ZNF704: variants seen among roughly 807,000 people sequenced by gnomAD.
ZNF704 encodes glucocorticoid induced gene 1.
A neutral mutation model predicts 44.7 loss-of-function variants in ZNF704; 10 were observed. That is an observed-to-expected ratio of 0.22 (90% CI 0.14 to 0.38). The LOEUF (loss-of-function observed/expected upper bound fraction) is 0.38. Ranked by LOEUF, ZNF704 falls within the 10% of genes least tolerant of loss-of-function variation. The pLI, the probability that ZNF704 is intolerant of heterozygous loss-of-function variation, is 1.00. For missense variants in ZNF704, 390 were observed against 545.5 expected (o/e 0.71, Z 2.84); for synonymous variants, 211 against 207.6 (o/e 1.02, Z -0.14).
At position 80,765,835 on chromosome 8, in the gene ZNF704, T is replaced by C. The variant is rs140994463; in HGVS notation, c.221+55539A>G. Among the ~76,000 whole-genome samples the C allele has an allele frequency of 2.9e-3, 437 of 152,322 alleles. 1 individual carries two copies. The highest frequency in any genetic ancestry group is 4.8e-3 in the Non-Finnish European group (324 of 68,022). On this transcript the variant is annotated intron_variant, in intron 2 of 8. Coordinates refer to ENST00000327835, the MANE Select transcript of ZNF704 (RefSeq NM_001033723.3). ...AAGAATTATGATCAACACCGATCTC[T>C]TGGCTAGATTATAAAAATAATAGCT...
the ZNF704 span, among the ~76,000 whole-genome samples, chr8:80,880,505 T>C: frequency 6.6e-6 from 1 of 152,246 alleles, no homozygotes; most frequent in African/African-American, 2.4e-5. Flanking sequence ...GTTTTTGGTA[T>C]ATTTATTTTC....
chr8:80,782,399 A>G (rs1807542556), intron 2 of ZNF704, among the ~76,000 whole-genome samples: 1 of 152,222 alleles, frequency 6.6e-6, no homozygotes, highest in Non-Finnish European at 1.5e-5. Context: ...AGCAGTTCAG[A>G]GGATAAAAGG....
At chr8:80,880,609 C>T in the ZNF704 span, among the ~76,000 whole-genome samples, 1 of 152,050 alleles carries the variant, frequency 6.6e-6, no homozygotes, top group African/African-American at 2.4e-5. Context: ...TGGTATATAA[C>T]TTGTAGATGT....
At chr8:80,796,896 GAA>G (rs1462843059) in intron 2 of ZNF704, among the ~76,000 whole-genome samples, 1 of 135,586 alleles carries the variant, frequency 7.4e-6, no homozygotes, top group East Asian at 2.4e-4. Flanking sequence ...AATGGAAAGG[GAA>G]AGAGAAAGGG....
At chr8:80,694,647 T>A (rs564792031) in intron 2 of ZNF704, among the ~76,000 whole-genome samples, 3 of 152,178 alleles carry the variant, frequency 2.0e-5, no homozygotes, top group African/African-American at 7.2e-5. Flanking sequence ...AATTCTTAAA[T>A]TGGAGAAAAA....
At chr8:80,872,737 C>T (rs1209065149) in intron 1 of ZNF704, among the ~76,000 whole-genome samples, 1 of 152,174 alleles carries the variant, frequency 6.6e-6, no homozygotes, top group Non-Finnish European at 1.5e-5. Context: ...CCTGAAGATA[C>T]ACAAACGGAA....
rs531988188 is a variant in ZNF704, at chr8:80,848,698, ATGGTAG to A, written c.-22+25867_-22+25872del. 7.7e-4 allele frequency among the ~76,000 whole-genome samples: 117 copies of A among 152,118 alleles called. 1 individual carries two copies. Among genetic ancestry groups the A allele is most frequent in the African/African-American group, 2.7e-3 (112 of 41,508 alleles). ...CATCTTTACAAAAAATCAGCTAGGC[ATGGTAG>A]TGTGTGTCAGTAGTCCCAGCTACTC... On this transcript the variant is annotated intron_variant, in intron 1 of 8. Coordinates refer to ENST00000327835, the MANE Select transcript of ZNF704 (RefSeq NM_001033723.3).
intron 1 of ZNF704, among the ~76,000 whole-genome samples, chr8:80,854,988 C>T (rs1808934681): frequency 1.3e-5 from 2 of 152,092 alleles, no homozygotes; most frequent in African/African-American, 4.8e-5. Flanking sequence ...GGTATCCATG[C>T]CCTAAAGCAT....
chr8:80,844,512 T>G, intron 1 of ZNF704, among the ~76,000 whole-genome samples: 1 of 152,114 alleles, frequency 6.6e-6, no homozygotes, highest in African/African-American at 2.4e-5. Flanking sequence ...GAGATTAGGT[T>G]TCAACATATG....
chr8:80,842,524 G>A (rs2129969390), intron 1 of ZNF704, among the ~76,000 whole-genome samples: 1 of 152,224 alleles, frequency 6.6e-6, no homozygotes, highest in Admixed American at 6.5e-5. Flanking sequence ...GAGAGAACAG[G>A]GCTTTGCTTA....
At chr8:80,686,120 A>G (rs1331537292) in intron 4 of ZNF704, among the ~76,000 whole-genome samples, 1 of 152,206 alleles carries the variant, frequency 6.6e-6, no homozygotes, top group East Asian at 1.9e-4. Context: ...GAGTGAACAT[A>G]ACTGAAATGT....
intron 1 of ZNF704, among the ~76,000 whole-genome samples, chr8:80,852,703 C>G (rs1007449073): frequency 5.3e-5 from 8 of 152,132 alleles, no homozygotes; most frequent in Admixed American, 4.6e-4. Context: ...CTACTAATTC[C>G]CAAGTTTTCA....
intron 1 of ZNF704, among the ~76,000 whole-genome samples, chr8:80,831,822 G>A (rs1808476990): frequency 6.6e-6 from 1 of 152,218 alleles, no homozygotes; most frequent in Non-Finnish European, 1.5e-5. Context: ...CTGTAGGAGA[G>A]AGACCTAAGT....
At chr8:80,821,999 C>T (rs1037669187) in intron 1 of ZNF704, among the ~76,000 whole-genome samples, 17 of 152,150 alleles carry the variant, frequency 1.1e-4, no homozygotes, top group Admixed American at 3.9e-4. Flanking sequence ...TAGAAGAGAG[C>T]TAATGTATAA....
At chr8:80,790,766 G>C (rs962881326) in intron 2 of ZNF704, among the ~76,000 whole-genome samples, 2 of 152,072 alleles carry the variant, frequency 1.3e-5, no homozygotes, top group Non-Finnish European at 2.9e-5. Context: ...GAAGTTCTGA[G>C]GGCATGAAGC....
At position 80,874,570 on chromosome 8, in the gene ZNF704, C is replaced by T. The variant is rs1379644048; in HGVS notation, c.-22+1G>A. The T allele has an allele frequency of 6.6e-6, 1 of 151,832 alleles. No individual in the cohort carries two copies. Among genetic ancestry groups the T allele is most frequent in the African/African-American group, 2.4e-5 (1 of 41,344 alleles). 9.4% of individuals were successfully genotyped at this position (151,832 alleles called of 1,614,324 possible). ...CGGACTGGATTTTTTTTTTCTCTTA[C>T]CCACAGTCTCCGAAAGTCTGGCGCT... On this transcript the variant is annotated splice_donor_variant, in intron 1 of 8. Coordinates refer to ENST00000327835, the MANE Select transcript of ZNF704 (RefSeq NM_001033723.3). LOFTEE classifies it low-confidence loss of function (5UTR_SPLICE). This position sits in a 1 kb window ranked among gnomAD's most constrained non-coding sequence, Gnocchi z 4.4.
At chr8:80,654,316 C>A (rs1404653912) in intron 7 of ZNF704, among the ~76,000 whole-genome samples, 2 of 152,128 alleles carry the variant, frequency 1.3e-5, no homozygotes, top group African/African-American at 2.4e-5. Flanking sequence ...AAAGCAATGG[C>A]AACAAAAGCC....
chr8:80,864,502 T>C (rs1446076491), intron 1 of ZNF704, among the ~76,000 whole-genome samples: 1 of 152,168 alleles, frequency 6.6e-6, no homozygotes, highest in South Asian at 2.1e-4. Flanking sequence ...CAATTTCCTC[T>C]TTGTTTGAAA....
At chr8:80,797,855 C>T (rs1362611152) in intron 2 of ZNF704, among the ~76,000 whole-genome samples, 1 of 152,228 alleles carries the variant, frequency 6.6e-6, no homozygotes, top group African/African-American at 2.4e-5. Context: ...TGTTTTTTCA[C>T]TCTTTACATG....
Sources: gnomAD v4.1 joint callset for allele counts (sites outside exome capture counted in the v4.1 genomes callset) on GRCh38, gnomAD v4.1.1 for gene constraint, Gnocchi (gnomAD v3.1) non-coding constraint, MANE v1.5 for transcripts, NCBI Gene and HGNC (gene_info 2026-07-23, HGNC 2026-07-21) for gene names.